The following ROBO2 variants were observed in gnomAD, a reference collection of about 807,000 sequenced individuals.
ROBO2 encodes the protein roundabout homolog 2.
Under a neutral mutation model 160.8 loss-of-function variants are expected in ROBO2, and 53 were observed. The ratio of observed to expected loss-of-function variants is 0.33; its 90% CI spans 0.26 to 0.41. ROBO2 has a LOEUF of 0.41. Among genes scored for constraint, ROBO2 ranks in the 10% least tolerant of loss-of-function variants. ROBO2 has a pLI of 1.00. For synonymous variants in ROBO2, 664 were observed against 611.7 expected (o/e 1.09, Z -1.26); for missense variants, 1,577 against 1,722.4 (o/e 0.92, Z 1.49).
At chr3:75,921,658 T>C (rs1343362923) in intron 1 of ROBO2, among the ~76,000 whole-genome samples, 2 of 152,166 alleles carry the variant, frequency 1.3e-5, no homozygotes, top group African/African-American at 4.8e-5. Context: ...CAGATGTGCA[T>C]GTACACAAGT....
chr3:77,507,742 T>C (rs2153613212), intron 5 of ROBO2, among the ~76,000 whole-genome samples: 1 of 152,314 alleles, frequency 6.6e-6, no homozygotes, highest in African/African-American at 2.4e-5. Context: ...CTTAACTTGC[T>C]TCCACAACTT....
intron 2 of ROBO2, among the ~76,000 whole-genome samples, chr3:76,448,071 T>G (rs2077288895): frequency 6.6e-6 from 1 of 150,700 alleles, no homozygotes; most frequent in Non-Finnish European, 1.5e-5. Flanking sequence ...GCAGAATAAA[T>G]AAATAAATGA....
Position 76,439,169 on chromosome 3 carries a change from A to T in ROBO2, c.109+501567A>T, listed in dbSNP as rs898433643. ...ATCTAGTAAATATGTATTCAATGCCAACTGCATGACAAGTACTATGCGAGG... is the reference window on the plus strand; with the variant it reads ...ATCTAGTAAATATGTATTCAATGCCTACTGCATGACAAGTACTATGCGAGG... On this transcript the variant is annotated intron_variant, in intron 2 of 26. Transcript: ENST00000487694. Among the ~76,000 whole-genome samples, 7 of 152,202 alleles carry T rather than the reference A, an allele frequency of 4.6e-5. No homozygotes were observed. The East Asian group carries it at 1.3e-3, about 29-fold the overall frequency.
At chr3:76,143,655 A>C (rs1369709717) in intron 2 of ROBO2, among the ~76,000 whole-genome samples, 2 of 151,808 alleles carry the variant, frequency 1.3e-5, no homozygotes, top group African/African-American at 4.8e-5. Context: ...TTCTAAAACC[A>C]CTCCCCAAAT....
chr3:77,102,641 T>C (rs1366698012), intron 2 of ROBO2, among the ~76,000 whole-genome samples: 1 of 152,176 alleles, frequency 6.6e-6, no homozygotes, highest in East Asian at 1.9e-4. Flanking sequence ...TGATACGAAA[T>C]GTGGAATGTT....
At chr3:77,156,226 C>T (rs1455773585) in intron 2 of ROBO2, among the ~76,000 whole-genome samples, 4 of 151,996 alleles carry the variant, frequency 2.6e-5, no homozygotes, top group Non-Finnish European at 5.9e-5. Context: ...AATTTTGTGT[C>T]TTTCTGTACT....
chr3:76,503,053 TTATTAAG>T (rs1438572694), intron 2 of ROBO2, among the ~76,000 whole-genome samples: 1 of 150,802 alleles, frequency 6.6e-6, no homozygotes, highest in African/African-American at 2.4e-5. Flanking sequence ...CAAAGGGGAG[TTATTAAG>T]TATTAACTTA....
At chr3:76,817,681 G>T (rs1421313679) in intron 2 of ROBO2, among the ~76,000 whole-genome samples, 2 of 151,884 alleles carry the variant, frequency 1.3e-5, no homozygotes, top group African/African-American at 4.8e-5. Context: ...AAAGTCCATT[G>T]TATCATTCTT....
chr3:76,566,747 G>A (rs192980581), intron 2 of ROBO2, among the ~76,000 whole-genome samples: 311 of 152,068 alleles, frequency 2.0e-3, no homozygotes, highest in Admixed American at 7.7e-3. Flanking sequence ...AGAGAAGTGG[G>A]AAGAAAGAAG....
chr3:77,421,797 CT>C (rs2077738481), intron 2 of ROBO2, among the ~76,000 whole-genome samples: 1 of 151,700 alleles, frequency 6.6e-6, no homozygotes, highest in African/African-American at 2.4e-5. Context: ...CATTGGTTAT[CT>C]TTTTTTCAAA....
chr3:75,958,871 C>T (rs1247009444), intron 2 of ROBO2, among the ~76,000 whole-genome samples: 1 of 151,686 alleles, frequency 6.6e-6, no homozygotes, highest in Non-Finnish European at 1.5e-5. Context: ...GTTAAATGGC[C>T]TCAACATTTT....
chr3:76,771,826 G>A (rs2061925345), intron 2 of ROBO2, among the ~76,000 whole-genome samples: 2 of 151,072 alleles, frequency 1.3e-5, no homozygotes, highest in Non-Finnish European at 3.0e-5. Flanking sequence ...TGAAACTTAA[G>A]GAATTTAACT....
chr3:76,113,375 A>C (rs752214074), intron 2 of ROBO2, among the ~76,000 whole-genome samples: 3 of 152,072 alleles, frequency 2.0e-5, no homozygotes, highest in Non-Finnish European at 4.4e-5. Flanking sequence ...CAAGCTGATT[A>C]TACTGAGATT....
chr3:77,219,994 A>G (rs1470201379), intron 2 of ROBO2, among the ~76,000 whole-genome samples: 1 of 151,710 alleles, frequency 6.6e-6, no homozygotes, highest in African/African-American at 2.4e-5. Flanking sequence ...AAACATACTA[A>G]TAGTTCTGTT....
At chr3:77,468,313 C>T (rs2082996634) in intron 2 of ROBO2, among the ~76,000 whole-genome samples, 1 of 152,168 alleles carries the variant, frequency 6.6e-6, no homozygotes, top group African/African-American at 2.4e-5. Context: ...AAATGATTGC[C>T]AGAGACAGGC....
chr3:76,502,636 T>C (rs1354772719), intron 2 of ROBO2, among the ~76,000 whole-genome samples: 1 of 152,162 alleles, frequency 6.6e-6, no homozygotes, highest in Non-Finnish European at 1.5e-5. Context: ...CTTCATGAGA[T>C]GTTTTGATAT....
chr3:77,417,757 A>T (rs948769933), intron 2 of ROBO2, among the ~76,000 whole-genome samples: 2 of 152,092 alleles, frequency 1.3e-5, no homozygotes, highest in Non-Finnish European at 1.5e-5. Context: ...GTACTCAGCA[A>T]TGTTATCAAT....
intron 2 of ROBO2, among the ~76,000 whole-genome samples, chr3:76,006,520 AT>A (rs1432735785): frequency 6.6e-6 from 1 of 152,144 alleles, no homozygotes; most frequent in African/African-American, 2.4e-5. Context: ...CTATTTACCT[AT>A]CCTTCTTTTG....
At chr3:76,273,077 A>C (rs1440783432) in intron 2 of ROBO2, among the ~76,000 whole-genome samples, 1 of 101,796 alleles carries the variant, frequency 9.8e-6, no homozygotes, top group Admixed American at 1.6e-4. Context: ...ATATATAAAT[A>C]TAATATATAT....
Sources: gnomAD v4.1 joint callset for allele counts (sites outside exome capture counted in the v4.1 genomes callset) on GRCh38, gnomAD v4.1.1 for gene constraint, MANE v1.5 for transcripts, NCBI Gene and HGNC (gene_info 2026-07-23, HGNC 2026-07-21) for gene names.